The following SBNO1 variants were observed in gnomAD, a reference collection of about 807,000 sequenced individuals.
SBNO1 encodes the protein strawberry notch homolog 1.
A neutral mutation model predicts 173.6 loss-of-function variants in SBNO1; 23 were observed. The ratio of observed to expected loss-of-function variants is 0.13; its 90% CI spans 0.10 to 0.19. The LOEUF is 0.19. Among genes scored for constraint, SBNO1 ranks in the 10% least tolerant of loss-of-function variants. SBNO1 has a pLI of 1.00. For synonymous variants in SBNO1, 632 were observed against 571.5 expected (o/e 1.11, Z -1.51); for missense variants, 1,238 against 1,671.2 (o/e 0.74, Z 4.52).
At chr12:123,358,068 T>C (rs2139099292) in intron 1 of SBNO1, among the ~76,000 whole-genome samples, 1 of 152,344 alleles carries the variant, frequency 6.6e-6, no homozygotes, top group East Asian at 1.9e-4. Context: ...TCAGGGTTTT[T>C]TGGATTTTGG....
chr12:123,315,043 T>TA (rs1374438989), intron 23 of SBNO1, among the ~76,000 whole-genome samples: 1 of 152,066 alleles, frequency 6.6e-6, no homozygotes, highest in East Asian at 1.9e-4. Context: ...GCGCCTGGCC[T>TA]TTATATATAT....
In SBNO1 at chr12:123,357,066, CTGTG is replaced by C. The variant is rs1289578510; in HGVS notation, c.1-6629_1-6626del. On this transcript the variant is annotated intron_variant, in intron 1 of 31. Coordinates refer to ENST00000602398, the MANE Select transcript of SBNO1 (RefSeq NM_001167856.3). ...TTCATCAACAAATATTAAGTGTCTACTGTGTGCAGTAGACACTTAAGAACATCAG... is the reference window on the plus strand; with the variant it reads ...TTCATCAACAAATATTAAGTGTCTACTGCAGTAGACACTTAAGAACATCAG... Among the ~76,000 whole-genome samples, 931 of 152,246 alleles carry C rather than the reference CTGTG, an allele frequency of 6.1e-3. 13 individuals are homozygous for C. The highest frequency in any genetic ancestry group is 0.021 in the African/African-American group (891 of 41,540).
chr12:123,359,313 C>G (rs888674623), intron 1 of SBNO1, among the ~76,000 whole-genome samples: 3 of 151,306 alleles, frequency 2.0e-5, no homozygotes. Context: ...TTTGGGAGGC[C>G]AAGATGAGAT....
At chr12:123,346,942 G>C (rs1383115249) in intron 3 of SBNO1, among the ~76,000 whole-genome samples, 1 of 151,402 alleles carries the variant, frequency 6.6e-6, no homozygotes, top group African/African-American at 2.4e-5. Context: ...GCCAGGCATG[G>C]TGGTGGGCGC....
At position 123,323,846 on chromosome 12, in the gene SBNO1, CAG is replaced by C; in HGVS notation, c.1974-17_1974-16del. The stretch of plus-strand genomic sequence containing the variant: ...GCAACACACCTCTGTAGGAGAGAAA[CAG>C]TGACAATTACTGCTTCAGTTGACAA... On this transcript the variant is annotated splice_polypyrimidine_tract_variant and intron_variant, in intron 15 of 31. Transcript: ENST00000602398. 1 of 1,570,890 alleles carries C rather than the reference CAG, an allele frequency of 6.4e-7. No homozygotes were observed. The highest frequency in any genetic ancestry group is 2.3e-5 in the East Asian group (1 of 43,152).
Position 123,332,243 on chromosome 12 carries a change from G to A in SBNO1, c.910-868C>T, listed in dbSNP as rs536482348. 3.9e-4 allele frequency among the ~76,000 whole-genome samples: 60 copies of A among 152,240 alleles called. 1 individual carries two copies. The South Asian group carries it at 0.01, about 26-fold the overall frequency. ...AAGTTAACAAATTAGTGAGGAGCCCGCCATACCCCTTATCAACACCTGCAG... is the reference window on the plus strand; with the variant it reads ...AAGTTAACAAATTAGTGAGGAGCCCACCATACCCCTTATCAACACCTGCAG... On this transcript the variant is annotated intron_variant, in intron 7 of 31. Transcript: ENST00000602398.
intron 1 of SBNO1, among the ~76,000 whole-genome samples, chr12:123,354,216 G>A (rs1044965839): frequency 6.6e-6 from 1 of 152,082 alleles, no homozygotes; most frequent in African/African-American, 2.4e-5. Context: ...ATTTGACTTA[G>A]CCATTCCACA....
In SBNO1 at chr12:123,320,848, T is replaced by C. The variant is rs1286025293; in HGVS notation, c.2342A>G (p.Lys781Arg). 2.5e-6 allele frequency: 4 copies of C among 1,584,512 alleles called. No homozygotes were observed. The highest frequency in any genetic ancestry group is 3.4e-6 in the Non-Finnish European group (4 of 1,168,024). Residue 781 changes from lysine (K) to arginine (R), a missense_variant, in exon 18 of 32, where the codon AAA becomes AGA. Around this residue, in one of 14 missense-constraint regions of SBNO1, gnomAD observed 33 missense variants for 29.6 expected, o/e 1.11. Transcript: ENST00000602398. ...DDENDPWLIR[K>R]DHKKNKEKKK... ...TTTCTCTTTGTTTTTCTTGTGGTCTTTTCTAATTAACCAGGGATCTGAGTG... is the reference window on the plus strand; with the variant it reads ...TTTCTCTTTGTTTTTCTTGTGGTCTCTTCTAATTAACCAGGGATCTGAGTG...
chr12:123,326,014 A>T, intron 14 of SBNO1, 138 bp downstream of exon 14: 1 of 573,220 alleles, frequency 1.7e-6, no homozygotes, highest in Non-Finnish European at 2.9e-6. Context: ...CATTGCTTTT[A>T]TAATTTTAAG....
chr12:123,351,014 C>T (rs1873810390), intron 1 of SBNO1, among the ~76,000 whole-genome samples: 1 of 152,058 alleles, frequency 6.6e-6, no homozygotes, highest in Non-Finnish European at 1.5e-5. Flanking sequence ...CCCAGCTTCT[C>T]TGGAGGCTGA....
intron 14 of SBNO1, 37 bp from the exon 15 acceptor site, chr12:123,325,636 A>G (rs747950192): frequency 7.6e-7 from 1 of 1,317,296 alleles, no homozygotes; most frequent in Non-Finnish European, 1.1e-6. Context: ...TATGAATAAT[A>G]ATGTTTGTGG....
At chr12:123,323,353 C>T (rs982989791) in intron 16 of SBNO1, among the ~76,000 whole-genome samples, 1 of 152,008 alleles carries the variant, frequency 6.6e-6, no homozygotes, top group African/African-American at 2.4e-5. Flanking sequence ...CAACTATTTT[C>T]TTTTTTCTTT....
At chr12:123,351,363 C>T (rs907726349) in intron 1 of SBNO1, among the ~76,000 whole-genome samples, 6 of 152,076 alleles carry the variant, frequency 3.9e-5, no homozygotes, top group African/African-American at 1.4e-4. Context: ...CAAGTCTGGG[C>T]ACTGTGGCTC....
intron 30 of SBNO1, among the ~76,000 whole-genome samples, chr12:123,300,324 G>A (rs2048744942): frequency 6.6e-6 from 1 of 152,104 alleles, no homozygotes; most frequent in Non-Finnish European, 1.5e-5. Flanking sequence ...ATCTCCCAAA[G>A]TGCTAGGAGC....
At chr12:123,297,400 CAAA>C (rs59447456) in intron 31 of SBNO1, among the ~76,000 whole-genome samples, 23 of 31,510 alleles carry the variant, frequency 7.3e-4, no homozygotes, top group South Asian at 4.3e-3. Context: ...TACTGGTGTC[CAAA>C]AAAAAAAAAA....
intron 19 of SBNO1, 137 bp from the exon 20 acceptor site, chr12:123,320,168 G>T: frequency 9.8e-7 from 1 of 1,017,618 alleles, no homozygotes; most frequent in Non-Finnish European, 1.4e-6. Context: ...ACAGAACACT[G>T]CAACAGAGTC....
At position 123,334,217 on chromosome 12, in the gene SBNO1, A is replaced by T; in HGVS notation, c.749-4T>A. 1.3e-6 allele frequency: 2 copies of T among 1,534,174 alleles called. No homozygotes were observed. Among genetic ancestry groups the T allele is most frequent in the Non-Finnish European group, 1.8e-6 (2 of 1,138,638 alleles). Reference sequence around the variant, plus strand: ...GGATGACGTAGGCCAATTTTTACTAAACAAAAATGTAAAAACATTTTATTT... The same window carrying T: ...GGATGACGTAGGCCAATTTTTACTATACAAAAATGTAAAAACATTTTATTT... On this transcript the variant is annotated splice_polypyrimidine_tract_variant and splice_region_variant and intron_variant, in intron 6 of 31. Transcript: ENST00000602398.
Position 123,294,385 on chromosome 12 carries a change from G to A in SBNO1, c.*1523C>T, listed in dbSNP as rs879332627. 2.0e-5 allele frequency: 3 copies of A among 151,956 alleles called. No homozygotes were observed. Among genetic ancestry groups the A allele is most frequent in the Non-Finnish European group, 4.4e-5 (3 of 68,076 alleles). The allele number at this position is 151,956 out of a possible 1,614,324, so 9.4% of individuals were successfully genotyped here. A position where few individuals can be genotyped will look rare whatever the true frequency, so the allele number is the denominator to read the frequency against. ...CTATCATTATACCCTTTCCCTCAAT[G>A]CCATCTTACATTTTAGGGATAAGTT... is the stretch of plus-strand genomic sequence containing the variant. On this transcript the variant is annotated 3_prime_UTR_variant, in exon 32 of 32. Coordinates refer to ENST00000602398, the MANE Select transcript of SBNO1 (RefSeq NM_001167856.3).
chr12:123,361,882 T>C (rs1175896011), intron 1 of SBNO1, among the ~76,000 whole-genome samples: 1 of 152,174 alleles, frequency 6.6e-6, no homozygotes. Context: ...GGCTCACGCC[T>C]GTAATCCCAG....
Sources: gnomAD v4.1 joint callset for allele counts (sites outside exome capture counted in the v4.1 genomes callset) on GRCh38, gnomAD v4.1.1 for gene constraint, gnomAD v4.1.1 regional missense constraint, MANE v1.5 for transcripts, NCBI Gene and HGNC (gene_info 2026-07-23, HGNC 2026-07-21) for gene names.